The following DCDC2 variants were observed in gnomAD, a reference collection of about 807,000 sequenced individuals.
The protein encoded by DCDC2 is doublecortin domain-containing protein 2.
DCDC2 carries 40 observed loss-of-function variants against 50.2 expected under a neutral mutation model. The ratio of observed to expected loss-of-function variants is 0.80; its 90% CI spans 0.62 to 1.04. The LOEUF is 1.04. DCDC2 is among the 50% of genes least tolerant of loss of function. DCDC2 has a pLI of 0.00. For missense variants in DCDC2, 570 were observed against 581.9 expected, an observed-to-expected ratio of 0.98 and a Z score of 0.21; for synonymous variants, 234 against 210.6, an observed-to-expected ratio of 1.11 and a Z score of -0.96.
intron 7 of DCDC2, among the ~76,000 whole-genome samples, chr6:24,231,373 C>A (rs985936220): frequency 2.6e-5 from 4 of 152,158 alleles, no homozygotes; most frequent in African/African-American, 9.7e-5. Flanking sequence ...AGGCCAGGAG[C>A]TCTGGTTGCA....
At chr6:24,225,835 A>G (rs1198149333) in intron 7 of DCDC2, among the ~76,000 whole-genome samples, 1 of 152,192 alleles carries the variant, frequency 6.6e-6, no homozygotes, top group African/African-American at 2.4e-5. Context: ...AATCATAGCA[A>G]CTGATTTATT....
At chr6:24,298,899 T>C (rs961444811) in intron 4 of DCDC2, among the ~76,000 whole-genome samples, 5 of 152,240 alleles carry the variant, frequency 3.3e-5, no homozygotes, top group African/African-American at 1.2e-4. Context: ...ACAATTCAAC[T>C]TCTAGACTTT....
At chr6:24,364,464 A>G in the DCDC2 span, among the ~76,000 whole-genome samples, 1 of 152,162 alleles carries the variant, frequency 6.6e-6, no homozygotes. Context: ...TCATATAATT[A>G]TATGTTTAAT....
chr6:24,238,935 C>T (rs531128639), intron 7 of DCDC2, among the ~76,000 whole-genome samples: 3 of 152,248 alleles, frequency 2.0e-5, no homozygotes, highest in South Asian at 2.1e-4. Flanking sequence ...ACTCTGCCTA[C>T]TATAGGAGAG....
chr6:24,205,361 C>T, intron 7 of DCDC2: 2 of 1,481,416 alleles, frequency 1.4e-6, no homozygotes, highest in Non-Finnish European at 1.8e-6. Flanking sequence ...CACCCTTTGG[C>T]TACTGATTTA....
At chr6:24,366,313 C>T in the DCDC2 span, among the ~76,000 whole-genome samples, 1 of 152,166 alleles carries the variant, frequency 6.6e-6, no homozygotes, top group African/African-American at 2.4e-5. Flanking sequence ...TACCGTATTT[C>T]TCCAAGTTAC....
intron 8 of DCDC2, among the ~76,000 whole-genome samples, chr6:24,192,064 A>C (rs1761325332): frequency 6.6e-6 from 1 of 152,170 alleles, no homozygotes; most frequent in Non-Finnish European, 1.5e-5. Flanking sequence ...TAAAAGAAGC[A>C]AATAGATCCC....
At chr6:24,375,246 C>T in the DCDC2 span, among the ~76,000 whole-genome samples, 1 of 152,096 alleles carries the variant, frequency 6.6e-6, no homozygotes. Flanking sequence ...ACCATATGCC[C>T]AGAGGCCCCG....
At chr6:24,301,475 C>T (rs1041547669) in intron 4 of DCDC2, among the ~76,000 whole-genome samples, 21 of 150,584 alleles carry the variant, frequency 1.4e-4, no homozygotes, top group Non-Finnish European at 2.5e-4. Context: ...GAATAAAAAT[C>T]GTTAATATTT....
intron 7 of DCDC2, among the ~76,000 whole-genome samples, chr6:24,250,143 T>C (rs1047843058): frequency 6.6e-6 from 1 of 152,208 alleles, no homozygotes; most frequent in African/African-American, 2.4e-5. Flanking sequence ...CATCTCTCAC[T>C]GGACTGAGTC....
At chr6:24,228,079 AT>A (rs1762268857) in intron 7 of DCDC2, among the ~76,000 whole-genome samples, 1 of 152,196 alleles carries the variant, frequency 6.6e-6, no homozygotes, top group Non-Finnish European at 1.5e-5. Context: ...TTCTTTCACA[AT>A]TTCTACCAAA....
chr6:24,203,606 A>G (rs1158928714), intron 8 of DCDC2, among the ~76,000 whole-genome samples: 2 of 151,734 alleles, frequency 1.3e-5, no homozygotes, highest in Admixed American at 1.3e-4. Context: ...AAACACCAAA[A>G]GCAATGGCAA....
At chr6:24,179,547 C>CAAAA (rs56731018) in intron 8 of DCDC2, among the ~76,000 whole-genome samples, 5 of 49,574 alleles carry the variant, frequency 1.0e-4, no homozygotes, top group Non-Finnish European at 1.3e-4. Flanking sequence ...GACACCATCT[C>CAAAA]AAAAAAAAAA....
chr6:24,199,142 A>G (rs1033083684), intron 8 of DCDC2, among the ~76,000 whole-genome samples: 7 of 152,220 alleles, frequency 4.6e-5, no homozygotes, highest in African/African-American at 9.6e-5. Flanking sequence ...ATCTCCCAGA[A>G]CAGCGCTCGA....
At chr6:24,275,914 G>A (rs1395079494) in intron 7 of DCDC2, among the ~76,000 whole-genome samples, 1 of 122,816 alleles carries the variant, frequency 8.1e-6, no homozygotes, top group African/African-American at 3.0e-5. Flanking sequence ...CTGTCACCCA[G>A]GCTGGAGTGC....
intron 2 of DCDC2, among the ~76,000 whole-genome samples, chr6:24,307,047 A>C (rs560151440): frequency 6.6e-6 from 1 of 152,220 alleles, no homozygotes; most frequent in Non-Finnish European, 1.5e-5. Context: ...TACATGAGCC[A>C]ATTCAACACT....
chr6:24,204,455 G>A (rs989031209), intron 8 of DCDC2, among the ~76,000 whole-genome samples: 1 of 152,136 alleles, frequency 6.6e-6, no homozygotes, highest in African/African-American at 2.4e-5. Context: ...CATGGACACA[G>A]AGAGGTGAAC....
intron 7 of DCDC2, among the ~76,000 whole-genome samples, chr6:24,261,952 T>C (rs1220712724): frequency 6.6e-6 from 1 of 152,070 alleles, no homozygotes; most frequent in African/African-American, 2.4e-5. Context: ...CAGCAATCAC[T>C]GTCCACCCCC....
At chr6:24,245,749 C>A (rs913246001) in intron 7 of DCDC2, among the ~76,000 whole-genome samples, 1 of 152,000 alleles carries the variant, frequency 6.6e-6, no homozygotes, top group Non-Finnish European at 1.5e-5. Flanking sequence ...AAAGAGATTA[C>A]TAAAAAGTGC....
Sources: allele counts gnomAD v4.1 joint callset (sites outside exome capture counted in the v4.1 genomes callset), GRCh38; gene constraint gnomAD v4.1.1; transcripts MANE v1.5; gene names NCBI Gene and HGNC (gene_info 2026-07-23, HGNC 2026-07-21).